CD101: variants seen among roughly 807,000 people sequenced by gnomAD.
The protein encoded by CD101 is CD101 molecule, also known as immunoglobulin superfamily member 2.
Under a neutral mutation model 98.2 loss-of-function variants are expected in CD101, and 76 were observed. The ratio of observed to expected loss-of-function variants is 0.77; its 90% CI spans 0.64 to 0.94. The LOEUF (loss-of-function observed/expected upper bound fraction) is 0.94. Among genes scored for constraint, CD101 ranks in the 40% least tolerant of loss-of-function variants. The probability of loss-of-function intolerance (pLI) is 0.00; values close to 1 mark genes in which losing one functional copy is unlikely to be tolerated. For synonymous variants in CD101, 471 were observed against 472.7 expected (o/e 1.00, Z 0.05); for missense variants, 1,145 against 1,218.8 (o/e 0.94, Z 0.90).
chr1:117,015,175 C>G (rs1270760530), intron 4 of CD101, among the ~76,000 whole-genome samples: 1 of 152,124 alleles, frequency 6.6e-6, no homozygotes, highest in Admixed American at 6.5e-5. Flanking sequence ...TATTAAGGAT[C>G]CTGTTTAGCA....
Position 117,034,062 on chromosome 1 carries a change from A to G in CD101, c.3027A>G (p.Thr1009=). Residue 1009 remains threonine (T), a synonymous_variant, in exon 9 of 10, where the codon ACA becomes ACG. Coordinates refer to ENST00000682167, the MANE Select transcript of CD101 (RefSeq NM_001256106.3). ...VDLKEAGGVT[T]NRREDEEEDE... ...TGAAAGAGGCTGGAGGTGTGACCACAAATAGGAGGGAAGACGAGGAGGAAG... is the reference window on the plus strand; with the variant it reads ...TGAAAGAGGCTGGAGGTGTGACCACGAATAGGAGGGAAGACGAGGAGGAAG... The G allele has an allele frequency of 6.2e-7, 1 of 1,614,198 alleles. No individual in the cohort carries two copies. The highest frequency in any genetic ancestry group is 8.5e-7 in the Non-Finnish European group (1 of 1,180,038).
chr1:117,021,125 G>A lies in CD101; in HGVS notation c.2018-448G>A, dbSNP rs545144883. Among the ~76,000 whole-genome samples the A allele has an allele frequency of 6.6e-6, 1 of 152,342 alleles. No individual in the cohort carries two copies. Among genetic ancestry groups the A allele is most frequent in the South Asian group, 2.1e-4 (1 of 4,828 alleles). On this transcript the variant is annotated intron_variant, in intron 6 of 9. Transcript: ENST00000682167. The surrounding 1 kb of genome is among the most constrained non-coding windows in gnomAD (Gnocchi z 4.7). ...TGTGAATCCAGAAGTACTCTGCATA[G>A]TAAACACACAAACACAGCATTAATA...
At chr1:117,029,328 AGAAG>A (rs1473329144) in intron 8 of CD101, among the ~76,000 whole-genome samples, 1 of 151,216 alleles carries the variant, frequency 6.6e-6, no homozygotes, top group Non-Finnish European at 1.5e-5. Flanking sequence ...AAAGAAAGAA[AGAAG>A]GAATGAAGGA....
At chr1:117,003,946 A>G (rs1489960995) in intron 1 of CD101, among the ~76,000 whole-genome samples, 1 of 152,236 alleles carries the variant, frequency 6.6e-6, no homozygotes, top group East Asian at 1.9e-4. Context: ...CTATTGATCA[A>G]TTACATTGGT....
At chr1:117,015,836 C>T (rs1653172431) in intron 4 of CD101, among the ~76,000 whole-genome samples, 1 of 152,164 alleles carries the variant, frequency 6.6e-6, no homozygotes, top group African/African-American at 2.4e-5. Flanking sequence ...TTATTATCTT[C>T]ATTTTTACAG....
chr1:117,013,632 C>T lies in CD101; in HGVS notation c.1068C>T (p.Gly356=). ...SQGELQVSKL[G]PKAFSLKIFS... ...GAGAGCTCCAGGTTTCAAAGTTAGG[C>T]CCCAAGGCTTTCTCTCTCAAGATCT... is the stretch of plus-strand genomic sequence containing the variant. The change falls in exon 4 of 10, where the codon GGC becomes GGT. Residue 356 remains glycine (G), a synonymous_variant. Coordinates refer to ENST00000682167, the MANE Select transcript of CD101 (RefSeq NM_001256106.3). 6.2e-7 allele frequency: 1 copy of T among 1,614,126 alleles called. No individual in the cohort carries two copies.
rs114640861 is a variant in CD101 at position 117,034,236 on chromosome 1, G to T, written c.*33+102G>T. On this transcript the variant is annotated intron_variant, in intron 9 of 9. Transcript: ENST00000682167. ...GCAAGTTACCTAGGAATCAGAGGGAGCATTCACTGAGTGCTTATTGGTTCT... is the reference window on the plus strand; with the variant it reads ...GCAAGTTACCTAGGAATCAGAGGGATCATTCACTGAGTGCTTATTGGTTCT... The T allele has an allele frequency of 2.8e-6, 3 of 1,070,472 alleles. No homozygotes were observed. The African/African-American group carries it at 4.8e-5, about 17-fold the overall frequency. 66.3% of individuals were successfully genotyped at this position (1,070,472 alleles called of 1,614,324 possible). A position where few individuals can be genotyped will look rare whatever the true frequency, so the allele number is the denominator to read the frequency against.
intron 8 of CD101, chr1:117,026,808 T>A (rs902754275): frequency 6.6e-6 from 1 of 152,190 alleles, no homozygotes; most frequent in Admixed American, 6.5e-5. Flanking sequence ...ACATTAAAAA[T>A]TGAGTGGCCT....
At chr1:117,027,561 T>C (rs1393572483) in intron 8 of CD101, among the ~76,000 whole-genome samples, 1 of 152,170 alleles carries the variant, frequency 6.6e-6, no homozygotes, top group East Asian at 1.9e-4. Flanking sequence ...CATGTTATAT[T>C]CGGGGAACTC....
intron 8 of CD101, among the ~76,000 whole-genome samples, chr1:117,030,564 G>A (rs937914106): frequency 6.6e-6 from 1 of 152,206 alleles, no homozygotes; most frequent in Non-Finnish European, 1.5e-5. Context: ...CCACACTGAA[G>A]TATTTGGAGA....
At chr1:117,031,235 C>G (rs992144702) in intron 8 of CD101, among the ~76,000 whole-genome samples, 1 of 152,164 alleles carries the variant, frequency 6.6e-6, no homozygotes, top group African/African-American at 2.4e-5. Flanking sequence ...GCAGATTGCA[C>G]TAAGCTGGGC....
chr1:117,013,684 G>T lies in CD101; in HGVS notation c.1120G>T (p.Ala374Ser), dbSNP rs771618614. Residue 374 changes from alanine to serine, a missense_variant, in exon 4 of 10, where the codon GCC (alanine) becomes TCC (serine). By Grantham distance (99) the Ala-to-Ser change is moderately conservative. Transcript: ENST00000682167. ...IFSLGPEDEG[A>S]YRCVVAEVMK... Reference sequence around the variant, plus strand: ...CTCTCTGGGCCCAGAGGATGAAGGCGCCTACAGATGTGTGGTAGCAGAGGT... The same window carrying T: ...CTCTCTGGGCCCAGAGGATGAAGGCTCCTACAGATGTGTGGTAGCAGAGGT... 1 of 1,614,082 alleles carries T rather than the reference G, an allele frequency of 6.2e-7. No individual in the cohort carries two copies. Among genetic ancestry groups the T allele is most frequent in the Admixed American group, 1.7e-5 (1 of 60,008 alleles).
At chr1:117,017,558 TC>T in intron 5 of CD101, 85 bp downstream of exon 5, 1 of 1,379,308 alleles carries the variant, frequency 7.3e-7, no homozygotes, top group South Asian at 1.3e-5. Context: ...TTATCCTGAA[TC>T]CCCCAGTGAT....
In CD101 at chr1:117,029,213, AAAAGAAAGAAAGAAAGAAAGAAAGAAAG is replaced by A. The variant is rs61165020; in HGVS notation, c.2824+3343_2824+3370del. ...AAAGAAAGAAAGAAAGAAAAGAAAGAAAAGAAAGAAAGAAAGAAAGAAAGAAAGAAAGAAAGAAAGAAAGAAAGAAAGA... is the reference window on the plus strand; with the variant it reads ...AAAGAAAGAAAGAAAGAAAAGAAAGAAAAGAAAGAAAGAAAGAAAGAAAGA... On this transcript the variant is annotated intron_variant, in intron 8 of 9. Transcript: ENST00000682167. Among the ~76,000 whole-genome samples the A allele has an allele frequency of 2.7e-3, 194 of 71,802 alleles. 5 individuals carry two copies. Among genetic ancestry groups the A allele is most frequent in the African/African-American group, 9.2e-3 (172 of 18,618 alleles). The allele number at this position is 71,802 out of a possible 152,430, so 47.1% of individuals were successfully genotyped here. A position where few individuals can be genotyped will look rare whatever the true frequency, so the allele number is the denominator to read the frequency against.
chr1:117,030,970 C>T (rs1442760595), intron 8 of CD101, among the ~76,000 whole-genome samples: 1 of 152,202 alleles, frequency 6.6e-6, no homozygotes. Context: ...ACATTTTTGG[C>T]TTTGTTTTGA....
rs1020829865 is a variant in CD101 at position 117,006,587 on chromosome 1, T to C, written c.44-3263T>C. Among the ~76,000 whole-genome samples, 4 of 152,056 alleles carry C rather than the reference T, an allele frequency of 2.6e-5. No homozygotes were observed. The highest frequency in any genetic ancestry group is 4.4e-5 in the Non-Finnish European group (3 of 67,994). ...TAAGTCTTTTGATTCCTACTCAGAG[T>C]CTTGCCATGAAATCTCCTTCACCTA... On this transcript the variant is annotated intron_variant, in intron 1 of 9. Transcript: ENST00000682167. This position sits in a 1 kb window ranked among gnomAD's most constrained non-coding sequence, Gnocchi z 4.4.
chr1:117,012,061 C>A lies in CD101; in HGVS notation c.841+95C>A. 2 of 1,202,162 alleles carry A rather than the reference C, an allele frequency of 1.7e-6. No homozygotes were observed. The highest frequency in any genetic ancestry group is 3.2e-5 in the South Asian group (2 of 63,082). The allele number at this position is 1,202,162 out of a possible 1,614,324, so 74.5% of individuals were successfully genotyped here. ...AATTTTTGTTCTAATCTTTTGTTGG[C>A]TCTAAAAAATTGGCTAGAAAGTTTG... On this transcript the variant is annotated intron_variant, in intron 3 of 9. Coordinates refer to ENST00000682167, the MANE Select transcript of CD101 (RefSeq NM_001256106.3). This position sits in a 1 kb window ranked among gnomAD's most constrained non-coding sequence, Gnocchi z 4.0.
intron 3 of CD101, 66 bp from the exon 4 acceptor site, chr1:117,013,336 ATCTC>A: frequency 4.0e-6 from 6 of 1,482,064 alleles, no homozygotes; most frequent in Non-Finnish European, 5.5e-6. Context: ...AGAGGGTGTC[ATCTC>A]TCTCTGGTAC....
intron 1 of CD101, among the ~76,000 whole-genome samples, chr1:117,007,029 A>G (rs1163406853): frequency 6.6e-6 from 1 of 152,230 alleles, no homozygotes; most frequent in Non-Finnish European, 1.5e-5. Flanking sequence ...ACCAAAAATA[A>G]CATTGTTTGT....
Sources: gnomAD v4.1 joint callset for allele counts (sites outside exome capture counted in the v4.1 genomes callset) on GRCh38, gnomAD v4.1.1 for gene constraint, Gnocchi (gnomAD v3.1) non-coding constraint, MANE v1.5 for transcripts, NCBI Gene and HGNC (gene_info 2026-07-23, HGNC 2026-07-21) for gene names.